The following ALG1L2 variants were observed in gnomAD, a reference collection of about 807,000 sequenced individuals.
The protein encoded by ALG1L2 is putative glycosyltransferase ALG1L2.
Under a neutral mutation model 29.0 loss-of-function variants are expected in ALG1L2, and 32 were observed. The observed-to-expected ratio is 1.10, with a 90% CI of 0.83 to 1.48. ALG1L2 has a LOEUF of 1.48. Among genes scored for constraint, ALG1L2 ranks in the 40% most tolerant of loss-of-function variants. ALG1L2 has a pLI of 0.00. For missense variants in ALG1L2, 318 were observed against 274.1 expected, an observed-to-expected ratio of 1.16 and a Z score of -1.13; for synonymous variants, 110 against 109.5, an observed-to-expected ratio of 1.00 and a Z score of -0.03.
intron 4 of ALG1L2, 148 bp from the exon 5 acceptor site, chr3:130,094,254 TG>T: frequency 1.0e-6 from 1 of 989,744 alleles, no homozygotes; most frequent in Non-Finnish European, 1.5e-6. Flanking sequence ...GAGTTGCTTC[TG>T]GAAAGGCCCA....
At chr3:130,090,579 T>G in intron 1 of ALG1L2, 1 of 152,514 alleles carries the variant, frequency 6.6e-6, no homozygotes, top group Non-Finnish European at 1.5e-5. Context: ...TCATAGTAAT[T>G]TACAACTTAA....
rs1280291233 is a variant in ALG1L2 at position 130,091,297 on chromosome 3, T to G, written c.57T>G (p.Phe19Leu). Residue 19 changes from phenylalanine (F) to leucine (L), a missense_variant, in exon 2 of 8, where the codon TTT becomes TTG. Phe to Leu is a conservative substitution (Grantham distance 22, BLOSUM62 0). Coordinates refer to ENST00000425059, the MANE Select transcript of ALG1L2 (RefSeq NM_001136152.1). Reference sequence around the variant, plus strand: ...TCTACGACAAGCCGGCATCTTTCTTTAAAGAGGCACCTCTGGACCTGCAGC... The same window carrying G: ...TCTACGACAAGCCGGCATCTTTCTTGAAAGAGGCACCTCTGGACCTGCAGC... ...VTVYDKPASF[F>L]KEAPLDLQHR... The G allele has an allele frequency of 6.3e-7, 1 of 1,599,314 alleles. No individual in the cohort carries two copies. The highest frequency in any genetic ancestry group is 1.1e-5 in the South Asian group (1 of 90,986).
chr3:130,087,316 A>G (rs1934913355), intron 1 of ALG1L2, among the ~76,000 whole-genome samples: 1 of 149,540 alleles, frequency 6.7e-6, no homozygotes, highest in East Asian at 1.9e-4. Context: ...GGGACATTCT[A>G]TCAAATAACC....
chr3:130,091,372 G>C lies in ALG1L2; in HGVS notation c.131+1G>C. 1 of 1,596,476 alleles carries C rather than the reference G, an allele frequency of 6.3e-7. No individual in the cohort carries two copies. The highest frequency in any genetic ancestry group is 1.1e-5 in the South Asian group (1 of 90,912). ...GCACGCACTCTCCGTTCAGGGCCCG[G>C]TAGGCCTCCCACCCTCAGCTGCCTT... On this transcript the variant is annotated splice_donor_variant, in intron 2 of 7. Coordinates refer to ENST00000425059, the MANE Select transcript of ALG1L2 (RefSeq NM_001136152.1). LOFTEE classifies it high-confidence loss of function.
chr3:130,091,819 C>A, intron 2 of ALG1L2: 1 of 648,942 alleles, frequency 1.5e-6, no homozygotes, highest in Non-Finnish European at 2.8e-6. Flanking sequence ...TGTGGGAGGG[C>A]GTCCTAGCAC....
chr3:130,085,224 T>C (rs183390625), intron 1 of ALG1L2, among the ~76,000 whole-genome samples: 218 of 143,282 alleles, frequency 1.5e-3, no homozygotes, highest in African/African-American at 4.8e-3. Flanking sequence ...CCTCCCAAAC[T>C]GCCAAGATTA....
chr3:130,094,573 T>TG, intron 5 of ALG1L2, 60 bp downstream of exon 5: 3 of 332,036 alleles, frequency 9.0e-6, no homozygotes, highest in Admixed American at 4.3e-5. Flanking sequence ...GGAACAGGGG[T>TG]GGGCGGGGTG....
In ALG1L2 at chr3:130,085,858, C is replaced by CT. The variant is rs1305569837; in HGVS notation, c.20+3822_20+3823insT. The stretch of plus-strand genomic sequence containing the variant: ...GCTGTGGCCACAATCTCCGCAAAAA[C>CT]GCAATGTTTCTCCCGCAGCACTTAG... On this transcript the variant is annotated intron_variant, in intron 1 of 7. Coordinates refer to ENST00000425059, the MANE Select transcript of ALG1L2 (RefSeq NM_001136152.1). 6.0e-5 allele frequency among the ~76,000 whole-genome samples: 9 copies of CT among 149,490 alleles called. 1 individual carries two copies. The highest frequency in any genetic ancestry group is 1.4e-4 in the Non-Finnish European group (9 of 66,594).
chr3:130,086,887 A>G (rs1475990235), intron 1 of ALG1L2, among the ~76,000 whole-genome samples: 1 of 151,570 alleles, frequency 6.6e-6, no homozygotes, highest in Non-Finnish European at 1.5e-5. Context: ...CCCCTTCTAG[A>G]TAGAATGTTC....
At chr3:130,097,089 TG>T in intron 6 of ALG1L2, 85 bp from the exon 7 acceptor site, 4 of 1,569,102 alleles carry the variant, frequency 2.5e-6, no homozygotes, top group Non-Finnish European at 3.5e-6. Context: ...GGCTTGAGCG[TG>T]GGGTGGGTGG....
chr3:130,089,444 G>A (rs1443956222), intron 1 of ALG1L2: 1 of 150,934 alleles, frequency 6.6e-6, no homozygotes, highest in African/African-American at 2.4e-5. Context: ...ATTGAGATAT[G>A]CTCTTAGTGT....
At chr3:130,095,890 G>T (rs1482163908) in intron 5 of ALG1L2, among the ~76,000 whole-genome samples, 159 bp from the exon 6 acceptor site, 1 of 152,240 alleles carries the variant, frequency 6.6e-6, no homozygotes, top group Admixed American at 6.5e-5. Flanking sequence ...CAGCCAGGCC[G>T]TGTGGCTGCT....
intron 1 of ALG1L2, among the ~76,000 whole-genome samples, chr3:130,088,666 C>A (rs1934945175): frequency 6.6e-6 from 1 of 152,296 alleles, no homozygotes; most frequent in Non-Finnish European, 1.5e-5. Context: ...GATCCACGCA[C>A]CTTGGCTTCC....
At chr3:130,085,125 A>AT (rs1934864049) in intron 1 of ALG1L2, among the ~76,000 whole-genome samples, 1 of 126,650 alleles carries the variant, frequency 7.9e-6, no homozygotes. Flanking sequence ...TGCCCAACTA[A>AT]TTTTTTTGTA....
chr3:130,091,268 A>T lies in ALG1L2; in HGVS notation c.28A>T (p.Thr10Ser). Residue 10 changes from threonine (T) to serine (S), a missense_variant, in exon 2 of 8, where the codon ACC becomes TCC. By Grantham distance (58) the Thr-to-Ser change is moderately conservative. Coordinates refer to ENST00000425059, the MANE Select transcript of ALG1L2 (RefSeq NM_001136152.1). ...GCCATGATTTCATTGCAGGGCTGTG[A>T]CCGTCTACGACAAGCCGGCATCTTT... MGATAGWAV[T>S]VYDKPASFFK... The T allele has an allele frequency of 1.3e-6, 2 of 1,599,208 alleles. No homozygotes were observed. The highest frequency in any genetic ancestry group is 4.5e-5 in the East Asian group (2 of 44,876).
chr3:130,096,734 C>T lies in ALG1L2; in HGVS notation c.540-441C>T, dbSNP rs532071137. Reference sequence around the variant, plus strand: ...CCTTGGCCCCTGCTCAGGAGCCGGCCCCTGGATGGGATTCAGGGATGTGAG... The same window carrying T: ...CCTTGGCCCCTGCTCAGGAGCCGGCTCCTGGATGGGATTCAGGGATGTGAG... On this transcript the variant is annotated intron_variant, in intron 6 of 7. Coordinates refer to ENST00000425059, the MANE Select transcript of ALG1L2 (RefSeq NM_001136152.1). 8.5e-5 allele frequency among the ~76,000 whole-genome samples: 13 copies of T among 152,224 alleles called. No individual in the cohort carries two copies. In the East Asian group the frequency reaches 1.5e-3, roughly 18 times the overall value.
intron 1 of ALG1L2, among the ~76,000 whole-genome samples, chr3:130,088,076 T>C (rs544184756): frequency 6.6e-6 from 1 of 152,282 alleles, no homozygotes; most frequent in East Asian, 1.9e-4. Flanking sequence ...GGGGGCCACA[T>C]GGTGACTCAA....
Position 130,097,263 on chromosome 3 carries a change from G to A in ALG1L2, c.615+13G>A, listed in dbSNP as rs1553720830. The A allele has an allele frequency of 3.1e-6, 5 of 1,605,376 alleles. No homozygotes were observed. The Admixed American group carries it at 6.7e-5, about 21-fold the overall frequency. ...AGCTCAGCTGCAGGTAGCCATGTCT[G>A]CCACCACGCCAGGGTGGACAGGGTT... On this transcript the variant is annotated intron_variant, in intron 7 of 7. Coordinates refer to ENST00000425059, the MANE Select transcript of ALG1L2 (RefSeq NM_001136152.1).
At chr3:130,096,218 G>C in intron 6 of ALG1L2, 55 bp downstream of exon 6, 2 of 1,585,366 alleles carry the variant, frequency 1.3e-6, no homozygotes, top group Non-Finnish European at 8.6e-7. Context: ...CCACCGCTGA[G>C]GGGGAAGCAG....
Sources: allele counts gnomAD v4.1 joint callset (sites outside exome capture counted in the v4.1 genomes callset), GRCh38; gene constraint gnomAD v4.1.1; transcripts MANE v1.5; gene names NCBI Gene and HGNC (gene_info 2026-07-23, HGNC 2026-07-21).